The following CDC14A variants were observed in gnomAD, a reference collection of about 807,000 sequenced individuals.
The protein encoded by CDC14A is dual specificity protein phosphatase CDC14A.
In CDC14A, 53 loss-of-function variants were observed where a neutral mutation model predicts 74.4. The ratio of observed to expected loss-of-function variants is 0.71; its 90% confidence interval spans 0.57 to 0.89. The LOEUF (loss-of-function observed/expected upper bound fraction) is 0.89. CDC14A is among the 40% of genes least tolerant of loss of function. The probability of loss-of-function intolerance (pLI) is 0.00; values close to 1 mark genes in which losing one functional copy is unlikely to be tolerated. For synonymous variants in CDC14A, 247 were observed against 258.4 expected, an observed-to-expected ratio of 0.96 and a Z score of 0.43; for missense variants, 646 against 713.7, an observed-to-expected ratio of 0.91 and a Z score of 1.08.
intron 7 of CDC14A, among the ~76,000 whole-genome samples, chr1:100,448,258 G>A (rs1557770429): frequency 6.6e-6 from 1 of 152,070 alleles, no homozygotes; most frequent in Non-Finnish European, 1.5e-5. Context: ...TTTTCTTTGA[G>A]CTATTTTCTA....
At chr1:100,499,358 T>C (rs1421210040) in intron 15 of CDC14A, 96 bp downstream of exon 15, 8 of 1,613,084 alleles carry the variant, frequency 5.0e-6, no homozygotes, top group East Asian at 4.5e-5. Context: ...AGAAATTTAA[T>C]AGTGCCAAGG....
At chr1:100,442,533 A>G (rs1021836947) in intron 6 of CDC14A, among the ~76,000 whole-genome samples, 4 of 151,542 alleles carry the variant, frequency 2.6e-5, no homozygotes, top group Non-Finnish European at 4.4e-5. Context: ...ACAAAAACTC[A>G]TAAGAATAAT....
intron 5 of CDC14A, among the ~76,000 whole-genome samples, chr1:100,432,347 G>T (rs1436251992): frequency 1.3e-5 from 2 of 152,204 alleles, no homozygotes; most frequent in Admixed American, 1.3e-4. Context: ...AGTATTTTGG[G>T]CATTGTCTAG....
intron 11 of CDC14A, chr1:100,485,090 T>G (rs1669896161): frequency 2.0e-6 from 2 of 985,286 alleles, no homozygotes. Context: ...TATCACACCC[T>G]GTTACCTCTG....
chr1:100,513,378 A>T (rs1649944105), intron 15 of CDC14A, among the ~76,000 whole-genome samples: 1 of 152,212 alleles, frequency 6.6e-6, no homozygotes. Flanking sequence ...GTTAGAACTT[A>T]AACCAGGGAT....
intron 4 of CDC14A, among the ~76,000 whole-genome samples, chr1:100,405,981 T>A (rs896541236): frequency 1.9e-4 from 29 of 152,320 alleles, no homozygotes; most frequent in African/African-American, 6.3e-4. Context: ...TTGAACTAAT[T>A]TACACTCCTG....
chr1:100,498,840 G>A, intron 14 of CDC14A, 89 bp from the exon 15 acceptor site: 1 of 1,480,986 alleles, frequency 6.8e-7, no homozygotes, highest in Non-Finnish European at 9.0e-7. Context: ...TTCCCCTAAT[G>A]TCATGAGTAT....
chr1:100,410,072 TGTG>T (rs1660471382), intron 4 of CDC14A, among the ~76,000 whole-genome samples: 1 of 151,808 alleles, frequency 6.6e-6, no homozygotes, highest in Non-Finnish European at 1.5e-5. Flanking sequence ...ATTAACCAGG[TGTG>T]GTGGTGCATA....
chr1:100,410,691 T>G (rs1660572932), intron 4 of CDC14A, among the ~76,000 whole-genome samples: 1 of 152,242 alleles, frequency 6.6e-6, no homozygotes, highest in African/African-American at 2.4e-5. Context: ...AAAAGTATAT[T>G]AGACTTTACA....
At chr1:100,506,048 T>C (rs894629434) in intron 15 of CDC14A, among the ~76,000 whole-genome samples, 2 of 152,066 alleles carry the variant, frequency 1.3e-5, no homozygotes, top group African/African-American at 4.8e-5. Flanking sequence ...CACAAAGCCA[T>C]TCATGAAGGA....
chr1:100,465,817 T>C (rs1308857842), intron 9 of CDC14A, among the ~76,000 whole-genome samples: 1 of 152,218 alleles, frequency 6.6e-6, no homozygotes, highest in Non-Finnish European at 1.5e-5. Context: ...AGTATGTGAT[T>C]ATCGATGTTC....
chr1:100,441,656 T>C (rs1403738700), intron 6 of CDC14A, among the ~76,000 whole-genome samples: 1 of 152,164 alleles, frequency 6.6e-6, no homozygotes, highest in Non-Finnish European at 1.5e-5. Flanking sequence ...CTCAGTTTTT[T>C]TTTTTTTTTT....
In CDC14A at chr1:100,449,894, T is replaced by C. The variant is rs12044713; in HGVS notation, c.520-5511T>C. Among the ~76,000 whole-genome samples, 4 of 152,314 alleles carry C rather than the reference T, an allele frequency of 2.6e-5. No homozygotes were observed. In the East Asian group the frequency reaches 5.8e-4, roughly 22 times the overall value. Reference sequence around the variant, plus strand: ...GTGGAAAGTGCCTAAAACATGTTGATTAAGAATCCATTCTGATTTTGCAGT... The same window carrying C: ...GTGGAAAGTGCCTAAAACATGTTGACTAAGAATCCATTCTGATTTTGCAGT... On this transcript the variant is annotated intron_variant, in intron 7 of 15. Transcript: ENST00000336454.
At chr1:100,448,332 A>G (rs1268006162) in intron 7 of CDC14A, among the ~76,000 whole-genome samples, 2 of 152,216 alleles carry the variant, frequency 1.3e-5, no homozygotes, top group African/African-American at 4.8e-5. Context: ...CAAAATTATG[A>G]GAATATTTTC....
chr1:100,425,726 T>G (rs1251555269), intron 5 of CDC14A, among the ~76,000 whole-genome samples: 1 of 152,200 alleles, frequency 6.6e-6, no homozygotes, highest in African/African-American at 2.4e-5. Context: ...AGATGAAAGT[T>G]TTAATGGTGA....
At chr1:100,347,352 T>TACCCCCATATTGGGCCTGTGCTAA (rs1553166602) in intron 1 of CDC14A, among the ~76,000 whole-genome samples, 2 of 152,062 alleles carry the variant, frequency 1.3e-5, no homozygotes, top group Non-Finnish European at 2.9e-5. Flanking sequence ...CTTCCACTCC[T>TACCCCCATATTGGGCCTGTGCTAA]ACCCCCATAT....
At chr1:100,395,307 A>G (rs1173792246) in intron 4 of CDC14A, among the ~76,000 whole-genome samples, 1 of 152,326 alleles carries the variant, frequency 6.6e-6, no homozygotes, top group Admixed American at 6.5e-5. Context: ...GATACCTCAA[A>G]TTTATTGTGA....
intron 5 of CDC14A, among the ~76,000 whole-genome samples, chr1:100,434,841 C>A (rs564277374): frequency 1.3e-5 from 2 of 152,242 alleles, no homozygotes; most frequent in South Asian, 4.1e-4. Context: ...GTTGGCTGTA[C>A]TATTTTTGAA....
At chr1:100,413,522 A>G (rs1194580771) in intron 4 of CDC14A, among the ~76,000 whole-genome samples, 1 of 152,240 alleles carries the variant, frequency 6.6e-6, no homozygotes, top group African/African-American at 2.4e-5. Flanking sequence ...TATATACTCT[A>G]GTTACTAAAA....
Sources: allele counts gnomAD v4.1 joint callset (sites outside exome capture counted in the v4.1 genomes callset), GRCh38; gene constraint gnomAD v4.1.1; transcripts MANE v1.5; gene names NCBI Gene and HGNC (gene_info 2026-07-23, HGNC 2026-07-21).